FA2H: variants seen among roughly 807,000 people sequenced by gnomAD.
FA2H encodes fatty acid 2-hydroxylase, also known as fatty acid alpha-hydroxylase.
FA2H carries 22 observed loss-of-function variants against 44.9 expected under a neutral mutation model. The observed-to-expected ratio is 0.49, with a 90% CI of 0.35 to 0.70. The LOEUF (loss-of-function observed/expected upper bound fraction) is 0.70. Among genes scored for constraint, FA2H ranks in the 30% least tolerant of loss-of-function variants. The pLI is 0.01. For synonymous variants in FA2H, 243 were observed against 213.2 expected (o/e 1.14, Z -1.22); for missense variants, 501 against 504.9 (o/e 0.99, Z 0.07).
intron 1 of FA2H, among the ~76,000 whole-genome samples, chr16:74,768,541 C>T (rs1339611757): frequency 6.6e-6 from 1 of 152,200 alleles, no homozygotes; most frequent in Non-Finnish European, 1.5e-5. Flanking sequence ...TGATCTCAAC[C>T]CCTCCAGTAA....
intron 1 of FA2H, among the ~76,000 whole-genome samples, chr16:74,756,834 T>A (rs1174081002): frequency 6.6e-6 from 1 of 152,178 alleles, no homozygotes; most frequent in Non-Finnish European, 1.5e-5. Context: ...ACCTATTTTT[T>A]TCCTTACACC....
At chr16:74,725,822 G>C (rs1371872804) in intron 4 of FA2H, 1 of 339,442 alleles carries the variant, frequency 2.9e-6, no homozygotes. Flanking sequence ...CTGCTAATCT[G>C]TGCTGGGTTC....
At chr16:74,729,245 G>A (rs1317498083) in intron 2 of FA2H, among the ~76,000 whole-genome samples, 2 of 152,102 alleles carry the variant, frequency 1.3e-5, no homozygotes, top group East Asian at 1.9e-4. Flanking sequence ...CCCGATCCTC[G>A]TGATCTGCCC....
At position 74,716,492 on chromosome 16, in the gene FA2H, G is replaced by GC; in HGVS notation, c.893dup (p.Thr299HisfsTer14). ...CCAGGAGGCCCCCCGCAAACACAGTGCCCCCTACTGCCTCGGGCAGGATGA... is the reference window on the plus strand; with the variant it reads ...CCAGGAGGCCCCCCGCAAACACAGTGCCCCCCTACTGCCTCGGGCAGGATGA... On this transcript the variant is annotated frameshift_variant, in exon 6 of 7. Coordinates refer to ENST00000219368, the MANE Select transcript of FA2H (RefSeq NM_024306.5). LOFTEE classifies it high-confidence loss of function. 1 of 1,613,750 alleles carries GC rather than the reference G, an allele frequency of 6.2e-7. No homozygotes were observed.
chr16:74,740,658 ATAATAATAAT>A (rs1567642687), intron 1 of FA2H, among the ~76,000 whole-genome samples: 9 of 145,014 alleles, frequency 6.2e-5, no homozygotes, highest in South Asian at 2.2e-4. Context: ...AATAATAATA[ATAATAATAAT>A]AAAATTTCTG....
intron 4 of FA2H, among the ~76,000 whole-genome samples, chr16:74,722,252 T>C (rs1961857233): frequency 6.6e-6 from 1 of 152,202 alleles, no homozygotes; most frequent in Non-Finnish European, 1.5e-5. Flanking sequence ...AAAGTCAGGC[T>C]AGGCTGAACA....
chr16:74,727,425 G>T, intron 2 of FA2H, 39 bp from the exon 3 acceptor site: 1 of 1,606,424 alleles, frequency 6.2e-7, no homozygotes, highest in Non-Finnish European at 8.5e-7. Context: ...TGATATTCAC[G>T]TCTTCCCATA....
chr16:74,739,433 C>T (rs1261349608), intron 2 of FA2H, among the ~76,000 whole-genome samples: 1 of 152,152 alleles, frequency 6.6e-6, no homozygotes, highest in Admixed American at 6.5e-5. Context: ...TCCACCGTGA[C>T]CGCTCAGCTC....
chr16:74,720,898 C>A (rs182315153), intron 4 of FA2H, among the ~76,000 whole-genome samples: 3 of 152,226 alleles, frequency 2.0e-5, no homozygotes, highest in Non-Finnish European at 2.9e-5. Context: ...CATGTTGTAA[C>A]ATGTATTACA....
chr16:74,747,556 T>C (rs778171233), intron 1 of FA2H, among the ~76,000 whole-genome samples: 1 of 152,002 alleles, frequency 6.6e-6, no homozygotes, highest in Non-Finnish European at 1.5e-5. Flanking sequence ...TCATTGCAGA[T>C]GTAGTTAAGA....
intron 2 of FA2H, among the ~76,000 whole-genome samples, chr16:74,734,808 G>A (rs1224374690): frequency 4.6e-5 from 7 of 152,222 alleles, no homozygotes; most frequent in Admixed American, 4.6e-4. Flanking sequence ...GCGGGGGCAG[G>A]CGGCGGGGGC....
At chr16:74,723,752 G>A (rs1961889635) in intron 4 of FA2H, among the ~76,000 whole-genome samples, 1 of 152,110 alleles carries the variant, frequency 6.6e-6, no homozygotes, top group African/African-American at 2.4e-5. Flanking sequence ...TTGCAGACCT[G>A]GATTCAAATC....
intron 4 of FA2H, among the ~76,000 whole-genome samples, chr16:74,723,475 C>T (rs1324561385): frequency 6.6e-6 from 1 of 152,170 alleles, no homozygotes; most frequent in African/African-American, 2.4e-5. Flanking sequence ...TGTGGTTGTC[C>T]ACAGTCCCCA....
At chr16:74,740,668 T>TAAA (rs1555539751) in intron 1 of FA2H, among the ~76,000 whole-genome samples, 27 of 144,400 alleles carry the variant, frequency 1.9e-4, no homozygotes, top group African/African-American at 3.1e-4. Context: ...ATAATAATAA[T>TAAA]AAAATTTCTG....
At chr16:74,735,338 C>G (rs1486331835) in intron 2 of FA2H, among the ~76,000 whole-genome samples, 1 of 152,152 alleles carries the variant, frequency 6.6e-6, no homozygotes, top group Admixed American at 6.5e-5. Context: ...CCTGCGCGGT[C>G]TAACTGGGAC....
intron 1 of FA2H, among the ~76,000 whole-genome samples, chr16:74,762,776 C>T (rs918167177): frequency 6.6e-6 from 1 of 152,194 alleles, no homozygotes. Context: ...GATCCACCCA[C>T]CTCAGCATCC....
chr16:74,771,543 C>T (rs2144669209), intron 1 of FA2H, among the ~76,000 whole-genome samples: 1 of 152,128 alleles, frequency 6.6e-6, no homozygotes, highest in South Asian at 2.1e-4. Flanking sequence ...ACCATGTTGG[C>T]CAGACTGGTC....
chr16:74,736,368 A>G (rs950769195), intron 2 of FA2H, among the ~76,000 whole-genome samples: 3 of 152,164 alleles, frequency 2.0e-5, no homozygotes, highest in Admixed American at 2.0e-4. Flanking sequence ...CAGGGTGCCT[A>G]GAGGAGAGCC....
intron 1 of FA2H, among the ~76,000 whole-genome samples, chr16:74,742,461 A>G (rs886196098): frequency 6.6e-6 from 1 of 152,234 alleles, no homozygotes; most frequent in Non-Finnish European, 1.5e-5. Context: ...CCTTCGGCCG[A>G]GTACATAGGA....
Sources: gnomAD v4.1 joint callset for allele counts (sites outside exome capture counted in the v4.1 genomes callset) on GRCh38, gnomAD v4.1.1 for gene constraint, MANE v1.5 for transcripts, NCBI Gene and HGNC (gene_info 2026-07-23, HGNC 2026-07-21) for gene names.